Variants in DMXL1 observed in about 807,000 individuals in gnomAD.
DMXL1 encodes dmX-like protein 1.
A neutral mutation model predicts 319.2 loss-of-function variants in DMXL1; 99 were observed. The ratio of observed to expected loss-of-function variants is 0.31; its 90% CI spans 0.26 to 0.37. DMXL1 has a LOEUF of 0.37. DMXL1 is among the 10% of genes least tolerant of loss of function. The pLI is 1.00. For synonymous variants in DMXL1, 1,385 were observed against 1,235.2 expected (o/e 1.12, Z -2.54); for missense variants, 3,745 against 3,595.6 (o/e 1.04, Z -1.06).
At chr5:119,099,857 C>A (rs536622460) in intron 2 of DMXL1, among the ~76,000 whole-genome samples, 1 of 151,936 alleles carries the variant, frequency 6.6e-6, no homozygotes, top group African/African-American at 2.4e-5. Context: ...AGTAAATAGC[C>A]GGACATGGTA....
intron 34 of DMXL1, among the ~76,000 whole-genome samples, chr5:119,213,231 T>A (rs1783107285): frequency 1.3e-5 from 2 of 152,234 alleles, no homozygotes; most frequent in Admixed American, 6.5e-5. Context: ...TATTTTGCTG[T>A]CAAAATAAGT....
At chr5:119,195,321 A>G (rs1037633001) in intron 30 of DMXL1, among the ~76,000 whole-genome samples, 3 of 152,250 alleles carry the variant, frequency 2.0e-5, no homozygotes, top group African/African-American at 7.2e-5. Flanking sequence ...CATTATTTAC[A>G]GTAACTGAGG....
At chr5:119,191,407 A>G (rs1778675765) in intron 29 of DMXL1, among the ~76,000 whole-genome samples, 1 of 152,200 alleles carries the variant, frequency 6.6e-6, no homozygotes, top group African/African-American at 2.4e-5. Flanking sequence ...AAGGGTAGTG[A>G]AGGGAGTTTG....
At chr5:119,223,608 G>A (rs1785024530) in intron 37 of DMXL1, among the ~76,000 whole-genome samples, 2 of 152,114 alleles carry the variant, frequency 1.3e-5, no homozygotes, top group Non-Finnish European at 2.9e-5. Flanking sequence ...GTTAACATGA[G>A]GGTTCGGATT....
chr5:119,133,772 C>T lies in DMXL1; in HGVS notation c.1848C>T (p.Ala616=), dbSNP rs538153817. Residue 616 remains alanine (A), a synonymous_variant, in exon 12 of 44, where the codon GCC becomes GCT. Transcript: ENST00000539542. ...TGAATCAGTGGCTGGTCAGTTTTGCCGAGGAATCTGCTTTTTCTACTGTTC... is the reference window on the plus strand; with the variant it reads ...TGAATCAGTGGCTGGTCAGTTTTGCTGAGGAATCTGCTTTTTCTACTGTTC... ...GSLNQWLVSF[A]EESAFSTVLS... 6.0e-5 allele frequency: 97 copies of T among 1,614,106 alleles called. No individual in the cohort carries two copies. The Admixed American group carries it at 7.0e-4, about 12-fold the overall frequency.
chr5:119,116,621 G>A (rs1394227705), intron 7 of DMXL1, among the ~76,000 whole-genome samples: 1 of 152,004 alleles, frequency 6.6e-6, no homozygotes, highest in African/African-American at 2.4e-5. Context: ...TTTGTGTTTT[G>A]TGTCTAATTC....
At chr5:119,082,878 C>T (rs1288660494) in intron 1 of DMXL1, among the ~76,000 whole-genome samples, 1 of 152,240 alleles carries the variant, frequency 6.6e-6, no homozygotes, top group African/African-American at 2.4e-5. Context: ...CCCCAACCTC[C>T]TTAGCCCTCT....
chr5:119,222,734 C>T (rs1158471162), intron 37 of DMXL1, among the ~76,000 whole-genome samples: 1 of 152,116 alleles, frequency 6.6e-6, no homozygotes, highest in Admixed American at 6.5e-5. Context: ...ATTAATAGGG[C>T]CCTACAAAAT....
intron 19 of DMXL1, among the ~76,000 whole-genome samples, chr5:119,153,229 G>C (rs373782389): frequency 1.3e-5 from 2 of 152,064 alleles, no homozygotes. Context: ...CACCTGCCTC[G>C]GCCTCCCAAA....
rs545654022 is a variant in DMXL1 at position 119,225,197 on chromosome 5, A to T, written c.8338+428A>T. Among the ~76,000 whole-genome samples the T allele has an allele frequency of 2.0e-3, 298 of 152,070 alleles. 2 individuals carry two copies. Among genetic ancestry groups the T allele is most frequent in the Middle Eastern group, 6.8e-3 (2 of 292 alleles). On this transcript the variant is annotated intron_variant, in intron 38 of 43. Coordinates refer to ENST00000539542, the MANE Select transcript of DMXL1 (RefSeq NM_001290321.3). ...CCGTACCTCAATTATTTATTACCTCATCGTACTCAGTTTGTATTTTATTAC... is the reference window on the plus strand; with the variant it reads ...CCGTACCTCAATTATTTATTACCTCTTCGTACTCAGTTTGTATTTTATTAC...
rs117539341 is a variant in DMXL1 at position 119,141,371 on chromosome 5, C to T, written c.2377-2470C>T. Among the ~76,000 whole-genome samples the T allele has an allele frequency of 2.4e-3, 366 of 152,258 alleles. 4 individuals carry two copies. In the East Asian group the frequency reaches 0.047, roughly 19 times the overall value. On this transcript the variant is annotated intron_variant, in intron 13 of 43. Transcript: ENST00000539542. ...ATAACCCTATGTCTTGGCCCAAAAG[C>T]TCCTAGATCTGATAAACAGCTTCAG...
At chr5:119,181,754 G>A (rs1057495927) in intron 28 of DMXL1, among the ~76,000 whole-genome samples, 2 of 152,200 alleles carry the variant, frequency 1.3e-5, no homozygotes, top group African/African-American at 2.4e-5. Flanking sequence ...GGAGGTTGCA[G>A]TGAGCTGAGA....
intron 24 of DMXL1, among the ~76,000 whole-genome samples, chr5:119,171,509 T>A (rs1005985567): frequency 3.4e-5 from 2 of 58,842 alleles, no homozygotes; most frequent in African/African-American, 1.0e-4. Flanking sequence ...CTCCAAAGTG[T>A]TGTCTGAATG....
chr5:119,139,581 G>T (rs1766825361), intron 13 of DMXL1, among the ~76,000 whole-genome samples: 1 of 152,068 alleles, frequency 6.6e-6, no homozygotes, highest in Non-Finnish European at 1.5e-5. Context: ...CCTAACTATG[G>T]TAAATATATA....
chr5:119,147,562 C>A, intron 17 of DMXL1, 92 bp downstream of exon 17: 1 of 793,970 alleles, frequency 1.3e-6, no homozygotes, highest in Non-Finnish European at 2.1e-6. Context: ...CTCTTAAATC[C>A]ACACAGAACT....
intron 10 of DMXL1, among the ~76,000 whole-genome samples, chr5:119,132,457 G>T (rs778734677): frequency 1.3e-4 from 20 of 152,114 alleles, no homozygotes; most frequent in Non-Finnish European, 2.5e-4. Flanking sequence ...GAGGCAGGTG[G>T]ATCACGAGGT....
intron 37 of DMXL1, among the ~76,000 whole-genome samples, chr5:119,223,607 AG>A (rs1785024988): frequency 6.6e-6 from 1 of 152,190 alleles, no homozygotes. Flanking sequence ...TGTTAACATG[AG>A]GGTTCGGATT....
At position 119,118,916 on chromosome 5, in the gene DMXL1, A is replaced by G. The variant is rs775934966; in HGVS notation, c.845A>G (p.Asp282Gly). ...LPNDCLLYGG[D>G]CSHWTESINL... ...AATGATTGTTTGCTATACGGAGGTG[A>G]CTGCAGCCATTGGACTGAATCAATT... is the stretch of plus-strand genomic sequence containing the variant. Residue 282 changes from aspartate (D) to glycine (G), a missense_variant, in exon 8 of 44, where the codon GAC (aspartate) becomes GGC (glycine). By Grantham distance (94) the Asp-to-Gly change is moderately conservative. Coordinates refer to ENST00000539542, the MANE Select transcript of DMXL1 (RefSeq NM_001290321.3). 1.9e-6 allele frequency: 3 copies of G among 1,613,870 alleles called. No individual in the cohort carries two copies. In the South Asian group the frequency reaches 3.3e-5, roughly 18 times the overall value.
At chr5:119,125,876 A>G (rs1312714778) in intron 9 of DMXL1, among the ~76,000 whole-genome samples, 1 of 152,198 alleles carries the variant, frequency 6.6e-6, no homozygotes, top group African/African-American at 2.4e-5. Flanking sequence ...TATATATTTA[A>G]AAAATCCAAA....
Sources: allele counts gnomAD v4.1 joint callset (sites outside exome capture counted in the v4.1 genomes callset), GRCh38; gene constraint gnomAD v4.1.1; transcripts MANE v1.5; gene names NCBI Gene and HGNC (gene_info 2026-07-23, HGNC 2026-07-21).